The following SYNE2 variants were observed in gnomAD, a reference collection of about 807,000 sequenced individuals.
The protein encoded by SYNE2 is nesprin-2.
A neutral mutation model predicts 856.3 loss-of-function variants in SYNE2; 431 were observed. That is an observed-to-expected ratio of 0.50 (90% confidence interval 0.47 to 0.55). The LOEUF (loss-of-function observed/expected upper bound fraction) is 0.55, where lower values mean the gene tolerates loss of function less well. Among genes scored for constraint, SYNE2 ranks in the 20% least tolerant of loss-of-function variants. The probability of loss-of-function intolerance (pLI) is 0.00; values close to 1 mark genes in which losing one functional copy is unlikely to be tolerated. For missense variants in SYNE2, 8,129 were observed against 8,023.2 expected (o/e 1.01, Z -0.50); for synonymous variants, 2,923 against 2,872.3 (o/e 1.02, Z -0.56).
intron 96 of SYNE2, among the ~76,000 whole-genome samples, chr14:64,180,278 C>A (rs1254515915): frequency 6.6e-6 from 1 of 152,186 alleles, no homozygotes; most frequent in African/African-American, 2.4e-5. Context: ...TATACCCACA[C>A]CTTGTTCTCT....
intron 10 of SYNE2, among the ~76,000 whole-genome samples, chr14:63,965,805 T>G (rs554638314): frequency 6.6e-6 from 1 of 152,350 alleles, no homozygotes; most frequent in African/African-American, 2.4e-5. Flanking sequence ...TTTTTCTTCC[T>G]TTGGTCTGAA....
chr14:64,156,460 C>CTT (rs780034696), intron 85 of SYNE2, among the ~76,000 whole-genome samples: 5,318 of 144,626 alleles, frequency 0.037, 296 homozygotes, highest in African/African-American at 0.13. Flanking sequence ...TTTTTCTTTC[C>CTT]TTTTTTTTTT....
chr14:64,025,034 A>G lies in SYNE2; in HGVS notation c.5960+3A>G. Reference sequence around the variant, plus strand: ...TGCCAAGCTTTAGCTAGAAAGAGGTATAGCTGATCTTGTATGAAATACATT... The same window carrying G: ...TGCCAAGCTTTAGCTAGAAAGAGGTGTAGCTGATCTTGTATGAAATACATT... On this transcript the variant is annotated splice_donor_region_variant and intron_variant, in intron 40 of 115. Coordinates refer to ENST00000555002, the MANE Select transcript of SYNE2 (RefSeq NM_182914.3). The G allele has an allele frequency of 1.2e-6, 2 of 1,614,098 alleles. No homozygotes were observed. The highest frequency in any genetic ancestry group is 2.2e-5 in the East Asian group (1 of 44,854).
At chr14:63,952,210 G>A (rs2096173024) in intron 7 of SYNE2, among the ~76,000 whole-genome samples, 1 of 152,152 alleles carries the variant, frequency 6.6e-6, no homozygotes, top group African/African-American at 2.4e-5. Context: ...CGTCTTTGTG[G>A]TATTGGCTTT....
At position 64,052,615 on chromosome 14, in the gene SYNE2, T is replaced by C; in HGVS notation, c.8702T>C (p.Ile2901Thr). 1.9e-6 allele frequency: 3 copies of C among 1,614,062 alleles called. No homozygotes were observed. The highest frequency in any genetic ancestry group is 2.5e-6 in the Non-Finnish European group (3 of 1,180,012). ...ISTHLQELTN[I>T]YEELNVFERL... Reference sequence around the variant, plus strand: ...ACACATCTTCAGGAGCTAACAAACATCTATGAGGAGCTGAATGTGTTTGAA... The same window carrying C: ...ACACATCTTCAGGAGCTAACAAACACCTATGAGGAGCTGAATGTGTTTGAA... The change falls in exon 48 of 116, where the codon ATC (isoleucine) becomes ACC (threonine). Residue 2901 changes from isoleucine to threonine, a missense_variant. By Grantham distance (89) the Ile-to-Thr change is moderately conservative. This residue lies in a region of SYNE2 where 5,410 missense variants were observed against 5,284.8 expected (regional missense o/e 1.02). Transcript: ENST00000555002.
At chr14:64,203,215 A>G (rs2098585306) in intron 100 of SYNE2, among the ~76,000 whole-genome samples, 1 of 152,122 alleles carries the variant, frequency 6.6e-6, no homozygotes. Flanking sequence ...TTGGTGGTTA[A>G]TGAGATTTTT....
chr14:63,980,948 T>C, intron 15 of SYNE2, 38 bp from the exon 16 acceptor site: 1 of 1,410,448 alleles, frequency 7.1e-7, no homozygotes, highest in Non-Finnish European at 9.9e-7. Flanking sequence ...TAAAAAATTG[T>C]TTTCTAAGAT....
chr14:63,990,617 A>AG, intron 20 of SYNE2, 48 bp downstream of exon 20: 1 of 1,569,886 alleles, frequency 6.4e-7, no homozygotes, highest in African/African-American at 1.3e-5. Context: ...TCTAAAACTG[A>AG]GGGGTCACTG....
chr14:64,221,235 G>A (rs1270409519), intron 111 of SYNE2, among the ~76,000 whole-genome samples: 4 of 152,128 alleles, frequency 2.6e-5, no homozygotes, highest in East Asian at 1.9e-4. Flanking sequence ...CTGTCCTGTT[G>A]GGTTGTTTCC....
intron 14 of SYNE2, among the ~76,000 whole-genome samples, chr14:63,979,446 C>T (rs556555966): frequency 3.9e-5 from 6 of 152,258 alleles, no homozygotes; most frequent in African/African-American, 1.4e-4. Context: ...TACATTTTCT[C>T]TTTTGTCATG....
chr14:64,134,991 CAAAAA>C (rs916125239), intron 78 of SYNE2, among the ~76,000 whole-genome samples: 1 of 142,792 alleles, frequency 7.0e-6, no homozygotes, highest in Non-Finnish European at 1.5e-5. Context: ...CATCTCAAAA[CAAAAA>C]AACAAAAACC....
At chr14:63,860,527 A>C (rs1284002315) in intron 1 of SYNE2, among the ~76,000 whole-genome samples, 2 of 152,224 alleles carry the variant, frequency 1.3e-5, no homozygotes, top group Admixed American at 1.3e-4. Flanking sequence ...AAGGAGCCTC[A>C]AGCTTTTGCT....
chr14:63,792,964 C>A (rs1887789088), intron 1 of SYNE2, among the ~76,000 whole-genome samples: 1 of 152,144 alleles, frequency 6.6e-6, no homozygotes, highest in African/African-American at 2.4e-5. Context: ...GGCTGAGCCA[C>A]TGCACCAGCC....
intron 33 of SYNE2, 150 bp downstream of exon 33, chr14:64,016,781 G>A (rs1006037757): frequency 8.0e-6 from 5 of 622,294 alleles, no homozygotes; most frequent in Non-Finnish European, 1.4e-5. Context: ...TAACCCCAGA[G>A]TTGGGACTAC....
intron 89 of SYNE2, among the ~76,000 whole-genome samples, chr14:64,164,879 TTTG>T (rs2153720343): frequency 6.9e-6 from 1 of 144,728 alleles, no homozygotes; most frequent in African/African-American, 2.6e-5. Flanking sequence ...TTTTTTTTTG[TTTG>T]TTTGTTTGTT....
chr14:63,913,413 A>G lies in SYNE2; in HGVS notation c.79+4186A>G, dbSNP rs139606924. Reference sequence around the variant, plus strand: ...TTCTATATTACTCTGGGCAGTACACATTTTATTTATTCATATATATATGTA... The same window carrying G: ...TTCTATATTACTCTGGGCAGTACACGTTTTATTTATTCATATATATATGTA... On this transcript the variant is annotated intron_variant, in intron 2 of 115. Coordinates refer to ENST00000555002, the MANE Select transcript of SYNE2 (RefSeq NM_182914.3). Among the ~76,000 whole-genome samples, 155 of 150,170 alleles carry G rather than the reference A, an allele frequency of 1.0e-3. 1 individual carries two copies. In the East Asian group the frequency reaches 0.016, roughly 15 times the overall value.
chr14:63,827,642 A>C (rs1292325338), intron 1 of SYNE2, among the ~76,000 whole-genome samples: 11 of 147,556 alleles, frequency 7.5e-5, no homozygotes, highest in Non-Finnish European at 1.1e-4. Flanking sequence ...AAAAAAAAAA[A>C]AAAAAAAAAA....
intron 10 of SYNE2, among the ~76,000 whole-genome samples, chr14:63,967,243 T>C (rs537390128): frequency 1.2e-4 from 19 of 152,220 alleles, no homozygotes; most frequent in Non-Finnish European, 2.1e-4. Flanking sequence ...GAAGGCAAAG[T>C]GTTTCTCAAA....
At chr14:64,205,636 A>G (rs996333986) in intron 100 of SYNE2, among the ~76,000 whole-genome samples, 2 of 152,154 alleles carry the variant, frequency 1.3e-5, no homozygotes, top group African/African-American at 4.8e-5. Flanking sequence ...GTCAGACCCT[A>G]TAGGAGTCCT....
Sources: allele counts gnomAD v4.1 joint callset (sites outside exome capture counted in the v4.1 genomes callset), GRCh38; gene constraint gnomAD v4.1.1; regional missense constraint gnomAD v4.1.1; transcripts MANE v1.5; gene names NCBI Gene and HGNC (gene_info 2026-07-23, HGNC 2026-07-21).